SLC4A10: variants seen among roughly 807,000 people sequenced by gnomAD.
The protein encoded by SLC4A10 is sodium-driven chloride bicarbonate exchanger.
In SLC4A10, 42 loss-of-function variants were observed where a neutral mutation model predicts 137.7. The observed-to-expected ratio is 0.30, with a 90% CI of 0.24 to 0.39. The LOEUF is 0.39. Ranked by LOEUF, SLC4A10 falls within the 10% of genes least tolerant of loss-of-function variation. The pLI is 1.00. For synonymous variants in SLC4A10, 474 were observed against 464.1 expected (o/e 1.02, Z -0.27); for missense variants, 925 against 1,355.0 (o/e 0.68, Z 4.98).
chr2:161,885,736 G>C (rs930107939), intron 10 of SLC4A10, among the ~76,000 whole-genome samples: 1 of 152,128 alleles, frequency 6.6e-6, no homozygotes, highest in Admixed American at 6.6e-5. Context: ...TGTGTATGTA[G>C]ATATGTTGGT....
intron 21 of SLC4A10, among the ~76,000 whole-genome samples, chr2:161,960,294 G>A (rs1450884102): frequency 1.3e-5 from 2 of 150,658 alleles, no homozygotes; most frequent in Admixed American, 6.6e-5. Context: ...AACCTGGGAG[G>A]CGGAGGTTGC....
chr2:161,901,256 G>A (rs1683047115), intron 12 of SLC4A10: 2 of 365,922 alleles, frequency 5.5e-6, no homozygotes, highest in Non-Finnish European at 1.0e-5. Context: ...TGCATAAAAT[G>A]CATTCTCAGA....
At chr2:161,853,483 A>G (rs1211176404) in intron 4 of SLC4A10, among the ~76,000 whole-genome samples, 1 of 152,198 alleles carries the variant, frequency 6.6e-6, no homozygotes, top group East Asian at 1.9e-4. Context: ...AATCACAGAC[A>G]CATGGACTCA....
chr2:161,955,731 G>A (rs1695542903), intron 19 of SLC4A10, among the ~76,000 whole-genome samples: 1 of 152,188 alleles, frequency 6.6e-6, no homozygotes, highest in Non-Finnish European at 1.5e-5. Context: ...AATACTCAGT[G>A]TGTTTCACAC....
At chr2:161,745,810 G>A (rs62189042) in intron 1 of SLC4A10, among the ~76,000 whole-genome samples, 2 of 152,038 alleles carry the variant, frequency 1.3e-5, no homozygotes, top group African/African-American at 4.8e-5. Flanking sequence ...TTGGTAACAC[G>A]GTGGCTCTTG....
chr2:161,914,815 G>T (rs534620656), intron 15 of SLC4A10, among the ~76,000 whole-genome samples: 153 of 152,210 alleles, frequency 1.0e-3, no homozygotes, highest in African/African-American at 3.6e-3. Flanking sequence ...TGTATTTGGA[G>T]ACAGGACTTT....
intron 3 of SLC4A10, among the ~76,000 whole-genome samples, chr2:161,833,531 C>T (rs192661637): frequency 6.6e-6 from 1 of 152,164 alleles, no homozygotes; most frequent in African/African-American, 2.4e-5. Context: ...TAGAAAAGTT[C>T]TTTCACCCTT....
intron 23 of SLC4A10, among the ~76,000 whole-genome samples, chr2:161,972,662 A>G (rs898211355): frequency 1.3e-5 from 2 of 152,232 alleles, no homozygotes; most frequent in East Asian, 1.9e-4. Context: ...ACATGCCATT[A>G]GCCTCACAGA....
At chr2:161,950,478 G>C (rs758656667) in intron 18 of SLC4A10, among the ~76,000 whole-genome samples, 1 of 151,570 alleles carries the variant, frequency 6.6e-6, no homozygotes, top group African/African-American at 2.4e-5. Context: ...GTCATCTTTA[G>C]AGTGTTGTGA....
At chr2:161,638,835 C>G (rs2034845657) in intron 1 of SLC4A10, among the ~76,000 whole-genome samples, 1 of 149,902 alleles carries the variant, frequency 6.7e-6, no homozygotes, top group South Asian at 2.1e-4. Context: ...TCTTTCATCT[C>G]TTTGGTTAAA....
At chr2:161,965,649 A>G (rs369863297) in intron 23 of SLC4A10, among the ~76,000 whole-genome samples, 2 of 152,184 alleles carry the variant, frequency 1.3e-5, no homozygotes, top group African/African-American at 4.8e-5. Context: ...TGAAATGTTT[A>G]GTAGGAAAAA....
intron 1 of SLC4A10, among the ~76,000 whole-genome samples, chr2:161,685,987 A>G (rs2041361477): frequency 6.6e-6 from 1 of 152,224 alleles, no homozygotes; most frequent in Non-Finnish European, 1.5e-5. Context: ...ACTATAATAA[A>G]GCACAAGATT....
rs539954961 is a variant in SLC4A10, at chr2:161,686,083, A to C, written c.48+61517A>C. Among the ~76,000 whole-genome samples, 7 of 152,334 alleles carry C rather than the reference A, an allele frequency of 4.6e-5. No homozygotes were observed. In the South Asian group the frequency reaches 1.5e-3, roughly 32 times the overall value. ...AAATCAGGTAGAAGCTGAGTTGCTT[A>C]AAGTTCCAGGGGAGTTTATTGAAAA... is the stretch of plus-strand genomic sequence containing the variant. On this transcript the variant is annotated intron_variant, in intron 1 of 26. Coordinates refer to ENST00000446997, the MANE Select transcript of SLC4A10 (RefSeq NM_001178015.2).
chr2:161,976,049 C>A (rs562600570), intron 24 of SLC4A10, among the ~76,000 whole-genome samples: 3 of 152,292 alleles, frequency 2.0e-5, no homozygotes, highest in East Asian at 3.9e-4. Flanking sequence ...AGCGTTTAAG[C>A]AATGGACATG....
chr2:161,967,956 T>C (rs1429344217), intron 23 of SLC4A10, among the ~76,000 whole-genome samples: 5 of 151,638 alleles, frequency 3.3e-5, no homozygotes. Context: ...TTTTGTTAAC[T>C]GTCTTTACTG....
rs2045149263 is a variant in SLC4A10, at chr2:161,718,051, A to C, written c.49-52922A>C. On this transcript the variant is annotated intron_variant, in intron 1 of 26. Coordinates refer to ENST00000446997, the MANE Select transcript of SLC4A10 (RefSeq NM_001178015.2). ...CAGTGTGAGGAGGGTGTATGTGTCC[A>C]GGAATTTATCCATTTCTCCTAGATT... Among the ~76,000 whole-genome samples, 3 of 152,320 alleles carry C rather than the reference A, an allele frequency of 2.0e-5. No homozygotes were observed. The South Asian group carries it at 6.2e-4, about 32-fold the overall frequency.
At chr2:161,816,549 T>A (rs935692595) in intron 3 of SLC4A10, among the ~76,000 whole-genome samples, 16 of 152,226 alleles carry the variant, frequency 1.1e-4, no homozygotes, top group Non-Finnish European at 2.4e-4. Flanking sequence ...TACATACGTA[T>A]ACATGTGCCA....
chr2:161,672,682 T>C (rs1558997336), intron 1 of SLC4A10, among the ~76,000 whole-genome samples: 1 of 152,164 alleles, frequency 6.6e-6, no homozygotes, highest in African/African-American at 2.4e-5. Flanking sequence ...TATATAGCAA[T>C]TCACAATTTA....
intron 11 of SLC4A10, among the ~76,000 whole-genome samples, chr2:161,899,453 A>T (rs2063870516): frequency 6.6e-6 from 1 of 152,020 alleles, no homozygotes; most frequent in Non-Finnish European, 1.5e-5. Context: ...TAAAATACAT[A>T]CGAGAACAAT....
Sources: gnomAD v4.1 joint callset for allele counts (sites outside exome capture counted in the v4.1 genomes callset) on GRCh38, gnomAD v4.1.1 for gene constraint, MANE v1.5 for transcripts, NCBI Gene and HGNC (gene_info 2026-07-23, HGNC 2026-07-21) for gene names.